The following LRP1B variants were observed in gnomAD, a reference collection of about 807,000 sequenced individuals.
LRP1B encodes the protein low-density lipoprotein receptor-related protein 1B.
LRP1B carries 217 observed loss-of-function variants against 556.6 expected under a neutral mutation model. That is an observed-to-expected ratio of 0.39 (90% CI 0.35 to 0.44). LRP1B has a LOEUF of 0.44. Among genes scored for constraint, LRP1B ranks in the 20% least tolerant of loss-of-function variants. LRP1B has a pLI of 1.00. For missense variants in LRP1B, 5,053 were observed against 5,620.8 expected, an observed-to-expected ratio of 0.90 and a Z score of 3.23; for synonymous variants, 2,047 against 1,865.8, an observed-to-expected ratio of 1.10 and a Z score of -2.50.
chr2:142,025,209 TA>T (rs1490578038), intron 1 of LRP1B, among the ~76,000 whole-genome samples: 1 of 152,182 alleles, frequency 6.6e-6, no homozygotes. Context: ...AGTCAGCAGG[TA>T]ACTTTGAATT....
At chr2:141,744,679 G>T (rs62168666) in intron 2 of LRP1B, among the ~76,000 whole-genome samples, 1 of 151,986 alleles carries the variant, frequency 6.6e-6, no homozygotes, top group Non-Finnish European at 1.5e-5. Flanking sequence ...CTGTCTCTCC[G>T]GGATTGGACT....
At chr2:140,642,637 C>T (rs1416969072) in intron 41 of LRP1B, among the ~76,000 whole-genome samples, 2 of 151,984 alleles carry the variant, frequency 1.3e-5, no homozygotes, top group South Asian at 2.1e-4. Flanking sequence ...GTCAGGAGAT[C>T]GAGACCATCC....
chr2:141,949,651 G>A (rs1701053787), intron 1 of LRP1B, among the ~76,000 whole-genome samples: 1 of 152,182 alleles, frequency 6.6e-6, no homozygotes, highest in African/African-American at 2.4e-5. Flanking sequence ...GCCTCCCAAA[G>A]TGCTGGGATT....
chr2:141,489,442 A>G (rs536110178), intron 2 of LRP1B, among the ~76,000 whole-genome samples: 1 of 152,024 alleles, frequency 6.6e-6, no homozygotes, highest in East Asian at 1.9e-4. Context: ...ATCTGTAATT[A>G]CCATAGCTGA....
intron 11 of LRP1B, among the ~76,000 whole-genome samples, chr2:141,042,018 G>A (rs148543886): frequency 1.2e-3 from 175 of 152,154 alleles, no homozygotes; most frequent in Admixed American, 3.3e-3. Context: ...GGAGGGCATT[G>A]TTCAGCATAC....
chr2:141,959,304 G>A (rs1187718596), intron 1 of LRP1B, among the ~76,000 whole-genome samples: 1 of 151,886 alleles, frequency 6.6e-6, no homozygotes, highest in African/African-American at 2.4e-5. Flanking sequence ...GTCAAGCCAG[G>A]GCTGCCCAAA....
chr2:141,842,881 G>T (rs892254109), intron 1 of LRP1B, among the ~76,000 whole-genome samples: 16 of 152,076 alleles, frequency 1.1e-4, no homozygotes, highest in Admixed American at 2.0e-4. Flanking sequence ...ATCACATTTT[G>T]CTAGAGGGTT....
chr2:141,107,424 G>C (rs923130892), intron 7 of LRP1B, among the ~76,000 whole-genome samples: 6 of 152,072 alleles, frequency 3.9e-5, no homozygotes, highest in African/African-American at 1.4e-4. Context: ...GAGGCGGGTG[G>C]ATCACAAGGT....
chr2:140,999,576 G>A (rs1263650934), intron 15 of LRP1B, among the ~76,000 whole-genome samples: 3 of 152,022 alleles, frequency 2.0e-5, no homozygotes, highest in African/African-American at 7.2e-5. Flanking sequence ...ACAGAGATAT[G>A]CAGTGATAGC....
chr2:141,226,113 AT>A (rs755197238), intron 6 of LRP1B, among the ~76,000 whole-genome samples: 8 of 48,326 alleles, frequency 1.7e-4, no homozygotes, highest in East Asian at 8.7e-4. Flanking sequence ...CAGAGTCTCA[AT>A]TTTCCCCCCC....
chr2:141,677,288 G>T (rs1218526351), intron 2 of LRP1B, among the ~76,000 whole-genome samples: 2 of 152,068 alleles, frequency 1.3e-5, no homozygotes, highest in African/African-American at 4.8e-5. Context: ...TTAGAGAAAT[G>T]AAGTGAAGGG....
At chr2:142,025,364 G>A (rs1009853929) in intron 1 of LRP1B, among the ~76,000 whole-genome samples, 1 of 152,138 alleles carries the variant, frequency 6.6e-6, no homozygotes, top group Non-Finnish European at 1.5e-5. Context: ...TTTCAAGTCA[G>A]ACCATGGTAC....
intron 41 of LRP1B, among the ~76,000 whole-genome samples, chr2:140,668,266 C>CG (rs1214495586): frequency 8.6e-6 from 1 of 116,600 alleles, no homozygotes; most frequent in Non-Finnish European, 1.6e-5. Context: ...GCTGAGATTG[C>CG]GCCACTGTAC....
rs1321976263 is a variant in LRP1B at position 141,423,290 on chromosome 2, C to CCTTTTTTTTTTTTTTT, written c.343+57105_343+57106insAAAAAAAAAAAAAAAG. Among the ~76,000 whole-genome samples, 2 of 68,376 alleles carry CCTTTTTTTTTTTTTTT rather than the reference C, an allele frequency of 2.9e-5. 1 individual carries two copies. Among genetic ancestry groups the CCTTTTTTTTTTTTTTT allele is most frequent in the Non-Finnish European group, 5.9e-5 (2 of 33,618 alleles). 44.9% of individuals were successfully genotyped at this position (68,376 alleles called of 152,430 possible). On this transcript the variant is annotated intron_variant, in intron 3 of 90. Transcript: ENST00000389484. ...CCCTCTCACTAGGCAACAGCCAGAG[C>CCTTTTTTTTTTTTTTT]TTTTTTTTTTTTTTTTTTTTTTTTT...
chr2:140,732,104 T>C (rs1490824683), intron 35 of LRP1B, among the ~76,000 whole-genome samples: 4 of 152,236 alleles, frequency 2.6e-5, no homozygotes, highest in East Asian at 3.9e-4. Flanking sequence ...TTGTTTAAAT[T>C]AGATGAAACA....
At chr2:141,294,269 C>T (rs1352153894) in intron 3 of LRP1B, among the ~76,000 whole-genome samples, 2 of 151,830 alleles carry the variant, frequency 1.3e-5, no homozygotes, top group African/African-American at 4.8e-5. Context: ...CCTGATGGCA[C>T]CATTTAAGAG....
chr2:141,217,764 C>T (rs1388136422), intron 6 of LRP1B, among the ~76,000 whole-genome samples: 3 of 152,084 alleles, frequency 2.0e-5, no homozygotes, highest in Non-Finnish European at 4.4e-5. Flanking sequence ...AGAGCTTCTG[C>T]TTAGCAAAGA....
intron 3 of LRP1B, among the ~76,000 whole-genome samples, chr2:141,480,170 TGTGTGTGTGTGTG>T (rs1682866414): frequency 4.5e-5 from 1 of 22,290 alleles, no homozygotes; most frequent in Non-Finnish European, 1.3e-4. Context: ...TGTGTGTGTG[TGTGTGTGTGTGTG>T]TGTGTGTGTG....
At chr2:141,961,284 T>C (rs943411822) in intron 1 of LRP1B, among the ~76,000 whole-genome samples, 8 of 151,892 alleles carry the variant, frequency 5.3e-5, no homozygotes, top group African/African-American at 1.9e-4. Context: ...ACTTTGTTTT[T>C]GATGTAGAGA....
Sources: allele counts gnomAD v4.1 joint callset (sites outside exome capture counted in the v4.1 genomes callset), GRCh38; gene constraint gnomAD v4.1.1; transcripts MANE v1.5; gene names NCBI Gene and HGNC (gene_info 2026-07-23, HGNC 2026-07-21).